The following STK39 variants were observed in gnomAD, a reference collection of about 807,000 sequenced individuals.
STK39 encodes serine/threonine kinase 39, also known as STE20/SPS1-related proline-alanine-rich protein kinase.
Under a neutral mutation model 77.8 loss-of-function variants are expected in STK39, and 20 were observed. That is an observed-to-expected ratio of 0.26 (90% CI 0.18 to 0.37). The LOEUF is 0.37. Ranked by LOEUF, STK39 falls within the 10% of genes least tolerant of loss-of-function variation. The pLI is 1.00. For synonymous variants in STK39, 246 were observed against 234.1 expected (o/e 1.05, Z -0.47); for missense variants, 479 against 656.5 (o/e 0.73, Z 2.95).
chr2:168,053,029 G>A (rs1462807695), intron 14 of STK39, among the ~76,000 whole-genome samples: 1 of 152,172 alleles, frequency 6.6e-6, no homozygotes, highest in Non-Finnish European at 1.5e-5. Context: ...GGCTTACTCA[G>A]TTCTGTATCT....
intron 10 of STK39, among the ~76,000 whole-genome samples, chr2:168,078,567 G>GA (rs1261625909): frequency 2.0e-5 from 3 of 152,194 alleles, no homozygotes; most frequent in African/African-American, 7.2e-5. Flanking sequence ...CAGGAATGGG[G>GA]AGGAAGGATA....
At chr2:167,975,795 G>A (rs956461849) in intron 16 of STK39, among the ~76,000 whole-genome samples, 1 of 152,182 alleles carries the variant, frequency 6.6e-6, no homozygotes, top group Admixed American at 6.5e-5. Flanking sequence ...GTAACCATCA[G>A]TTTAGTTCTT....
At chr2:168,030,325 G>A (rs1208950291) in intron 14 of STK39, among the ~76,000 whole-genome samples, 2 of 152,108 alleles carry the variant, frequency 1.3e-5, no homozygotes, top group African/African-American at 4.8e-5. Flanking sequence ...AAAGATGTGT[G>A]TGATTAATCA....
intron 5 of STK39, among the ~76,000 whole-genome samples, chr2:168,142,788 A>G (rs758599479): frequency 2.6e-5 from 4 of 152,202 alleles, no homozygotes; most frequent in Non-Finnish European, 5.9e-5. Flanking sequence ...GCAGAAAACA[A>G]CAATCCTAAT....
At chr2:168,041,927 T>C (rs1169694323) in intron 14 of STK39, among the ~76,000 whole-genome samples, 3 of 152,204 alleles carry the variant, frequency 2.0e-5, no homozygotes, top group Admixed American at 6.5e-5. Context: ...TGCCATGTTA[T>C]CCAAGGTTCT....
chr2:168,073,819 T>C (rs890328654), intron 12 of STK39, among the ~76,000 whole-genome samples: 3 of 152,238 alleles, frequency 2.0e-5, no homozygotes, highest in South Asian at 2.1e-4. Flanking sequence ...GGTTTCGCCA[T>C]GTTAGCCTGG....
intron 1 of STK39, among the ~76,000 whole-genome samples, chr2:168,223,510 C>CAAAAAAA (rs60067513): frequency 9.8e-5 from 10 of 102,166 alleles, no homozygotes; most frequent in African/African-American, 1.9e-4. Context: ...GACTCCGTCT[C>CAAAAAAA]AAAAAAAAAA....
At chr2:168,218,619 A>G (rs1286906225) in intron 1 of STK39, among the ~76,000 whole-genome samples, 1 of 152,222 alleles carries the variant, frequency 6.6e-6, no homozygotes, top group Non-Finnish European at 1.5e-5. Flanking sequence ...AGGCTCAGAG[A>G]CAAAATCGAA....
At chr2:168,096,422 T>C (rs1015365423) in intron 10 of STK39, among the ~76,000 whole-genome samples, 2 of 152,200 alleles carry the variant, frequency 1.3e-5, no homozygotes, top group African/African-American at 4.8e-5. Flanking sequence ...ATCAGGTTAT[T>C]ATGCAGATAA....
chr2:168,018,542 G>GAAAGAAAGA (rs1684482221), intron 14 of STK39, among the ~76,000 whole-genome samples: 2 of 95,074 alleles, frequency 2.1e-5, no homozygotes, highest in African/African-American at 4.1e-5. Context: ...AGAAAGAAAA[G>GAAAGAAAGA]AAAGAAAGAA....
chr2:168,188,234 T>G (rs1416344644), intron 1 of STK39, among the ~76,000 whole-genome samples: 3 of 152,184 alleles, frequency 2.0e-5, no homozygotes, highest in African/African-American at 7.2e-5. Flanking sequence ...GTCAGTCACA[T>G]GAGGACCAGA....
intron 10 of STK39, among the ~76,000 whole-genome samples, chr2:168,081,666 G>C (rs575054633): frequency 1.3e-5 from 2 of 152,262 alleles, no homozygotes; most frequent in African/African-American, 4.8e-5. Flanking sequence ...GGGGCAGAAT[G>C]ATATGGTTTG....
At chr2:168,058,413 A>T (rs1017791459) in intron 14 of STK39, among the ~76,000 whole-genome samples, 1 of 152,000 alleles carries the variant, frequency 6.6e-6, no homozygotes, top group African/African-American at 2.4e-5. Flanking sequence ...GTACCAGCCC[A>T]CTTCTCTTCT....
intron 1 of STK39, among the ~76,000 whole-genome samples, chr2:168,242,707 A>AC (rs1055644067): frequency 6.7e-6 from 1 of 148,670 alleles, no homozygotes; most frequent in Non-Finnish European, 1.5e-5. Context: ...ACATAGTGAG[A>AC]CCCCCATTTC....
intron 14 of STK39, among the ~76,000 whole-genome samples, chr2:168,051,574 C>T (rs557091706): frequency 6.6e-6 from 1 of 152,298 alleles, no homozygotes; most frequent in African/African-American, 2.4e-5. Context: ...GGCTACAATG[C>T]TGTGGAACTT....
At chr2:168,059,919 A>C (rs1685618661) in intron 14 of STK39, among the ~76,000 whole-genome samples, 1 of 152,202 alleles carries the variant, frequency 6.6e-6, no homozygotes, top group Admixed American at 6.5e-5. Context: ...CCTTTAGGGC[A>C]AGAAGTCTGC....
At chr2:167,993,799 C>T (rs1683763221) in intron 16 of STK39, among the ~76,000 whole-genome samples, 1 of 152,160 alleles carries the variant, frequency 6.6e-6, no homozygotes, top group African/African-American at 2.4e-5. Context: ...TCAAGTTTTA[C>T]ACCGTATGGT....
intron 10 of STK39, among the ~76,000 whole-genome samples, chr2:168,076,985 T>C (rs1038466846): frequency 6.6e-5 from 10 of 152,174 alleles, no homozygotes; most frequent in Admixed American, 2.0e-4. Context: ...TCTGTTGACA[T>C]ATACAATAAA....
chr2:168,084,058 GT>G (rs1193677160), intron 10 of STK39, among the ~76,000 whole-genome samples: 5 of 151,788 alleles, frequency 3.3e-5, no homozygotes, highest in South Asian at 2.1e-4. Flanking sequence ...AACTTTCTCT[GT>G]GCAGCCTAAA....
Sources: gnomAD v4.1 joint callset for allele counts (sites outside exome capture counted in the v4.1 genomes callset) on GRCh38, gnomAD v4.1.1 for gene constraint, MANE v1.5 for transcripts, NCBI Gene and HGNC (gene_info 2026-07-23, HGNC 2026-07-21) for gene names.